The following POLD1 variants were observed in gnomAD, a reference collection of about 807,000 sequenced individuals.
The protein encoded by POLD1 is DNA polymerase delta catalytic subunit.
In POLD1, 79 loss-of-function variants were observed where a neutral mutation model predicts 129.7. The ratio of observed to expected loss-of-function variants is 0.61; its 90% CI spans 0.51 to 0.73. The LOEUF (loss-of-function observed/expected upper bound fraction) is 0.73. Among genes scored for constraint, POLD1 ranks in the 30% least tolerant of loss-of-function variants. The pLI is 0.00. For synonymous variants in POLD1, 714 were observed against 683.3 expected (o/e 1.04, Z -0.70); for missense variants, 1,338 against 1,595.8 (o/e 0.84, Z 2.75).
At position 50,416,273 on chromosome 19, in the gene POLD1, G is replaced by GC. The variant is rs924178837; in HGVS notation, c.2821-115dup. 6.6e-4 allele frequency: 659 copies of GC among 1,003,078 alleles called. 1 individual carries two copies. The highest frequency in any genetic ancestry group is 2.3e-3 in the South Asian group (146 of 63,544). 62.1% of individuals were successfully genotyped at this position (1,003,078 alleles called of 1,614,324 possible). On this transcript the variant is annotated intron_variant, in intron 22 of 26. Coordinates refer to ENST00000440232, the MANE Select transcript of POLD1 (RefSeq NM_002691.4). ...ACCTCCGACCCCATCCCAGACCCAG[G>GC]CCCCCCCCATGTCACAGCCCGCAGG...
In POLD1 at chr19:50,416,705, A is replaced by C. The variant is rs2122498157; in HGVS notation, c.3049A>C (p.Thr1017Pro). The change falls in exon 24 of 27, where the codon ACA becomes CCA. Residue 1017 changes from threonine to proline, a missense_variant. Thr to Pro is a conservative substitution (Grantham distance 38, BLOSUM62 -1). This residue lies in a region of POLD1 where 286 missense variants were observed against 277.5 expected (regional missense o/e 1.03). Transcript: ENST00000440232. ...CCGCAACTGCTGCATTGGCTGCCGC[A>C]CAGTGCTCAGCCACCAGGGTGAGCG... ...KRRNCCIGCRTVLSHQGAVCE... is the reference protein window; with the variant it reads ...KRRNCCIGCRPVLSHQGAVCE... 6.5e-7 allele frequency: 1 copy of C among 1,540,824 alleles called. No individual in the cohort carries two copies. Among genetic ancestry groups the C allele is most frequent in the South Asian group, 1.2e-5 (1 of 84,118 alleles).
At position 50,402,473 on chromosome 19, in the gene POLD1, A is replaced by G. The variant is rs8105725; in HGVS notation, c.778A>G (p.Ile260Val). The G allele has an allele frequency of 5.0e-4, 799 of 1,612,604 alleles. 2 individuals carry two copies. The African/African-American group carries it at 9.5e-3, about 19-fold the overall frequency. Residue 260 changes from isoleucine (I) to valine (V), a missense_variant, in exon 7 of 27, where the codon ATC becomes GTC. This residue lies in a region of POLD1 where 720 missense variants were observed against 1,002.6 expected (regional missense o/e 0.72). Coordinates refer to ENST00000440232, the MANE Select transcript of POLD1 (RefSeq NM_002691.4). ...CTCCAGGTTCATGGTGGACACGGAC[A>G]TCGTCGGCTGCAACTGGCTGGAGCT... The part of the protein sequence containing the change: ...FEIRFMVDTD[I>V]VGCNWLELPA...
intron 14 of POLD1, 174 bp from the exon 15 acceptor site, chr19:50,408,611 G>C (rs183536093): frequency 1.0e-6 from 1 of 975,194 alleles, no homozygotes; most frequent in East Asian, 2.5e-5. Context: ...TGAAACTCCT[G>C]AGTTCAAGCG....
intron 1 of POLD1, among the ~76,000 whole-genome samples, chr19:50,395,876 C>CTTTTTTTTTTTTTTT (rs774272686): frequency 1.4e-5 from 1 of 73,658 alleles, no homozygotes; most frequent in African/African-American, 5.6e-5. Flanking sequence ...AGGATATATA[C>CTTTTTTTTTTTTTTT]TTTTTTTTTT....
At position 50,407,331 on chromosome 19, in the gene POLD1, T is replaced by G. The variant is rs748444470; in HGVS notation, c.1691T>G (p.Met564Arg). The G allele has an allele frequency of 5.0e-6, 8 of 1,612,048 alleles. No individual in the cohort carries two copies. The highest frequency in any genetic ancestry group is 5.9e-6 in the Non-Finnish European group (7 of 1,178,868). The change falls in exon 14 of 27, where the codon ATG (methionine) becomes AGG (arginine). Residue 564 changes from methionine to arginine, a missense_variant. Met to Arg is a moderately conservative substitution (Grantham distance 91). Transcript: ENST00000440232. ...TCCCACCTTCTCCCCTCCCAGGCCA[T>G]GCACGAGGGGCTGCTGATGCCCGTG... is the stretch of plus-strand genomic sequence containing the variant. ...KVVSQLLRQA[M>R]HEGLLMPVVK...
Position 50,406,286 on chromosome 19 carries a change from C to T in POLD1, c.1347C>T (p.Val449=), listed in dbSNP as rs2122320508. Residue 449 remains valine, a synonymous_variant, in exon 11 of 27, where the codon GTC becomes GTT. Coordinates refer to ENST00000440232, the MANE Select transcript of POLD1 (RefSeq NM_002691.4). The surrounding 1 kb of genome is among the most constrained non-coding windows in gnomAD (Gnocchi z 5.5). ...KQTGRRDTKV[V]SMVGRVQMDM... is the part of the protein sequence containing the mutation. Reference sequence around the variant, plus strand: ...CGGGCCGGCGGGACACCAAGGTTGTCAGCATGGTGGGCCGCGTGCAGATGG... The same window carrying T: ...CGGGCCGGCGGGACACCAAGGTTGTTAGCATGGTGGGCCGCGTGCAGATGG... 1 of 1,614,036 alleles carries T rather than the reference C, an allele frequency of 6.2e-7. No homozygotes were observed. Among genetic ancestry groups the T allele is most frequent in the Non-Finnish European group, 8.5e-7 (1 of 1,179,992 alleles).
At position 50,416,603 on chromosome 19, in the gene POLD1, C is replaced by T. The variant is rs777804458; in HGVS notation, c.2954-7C>T. The T allele has an allele frequency of 1.3e-6, 2 of 1,556,342 alleles. No homozygotes were observed. The highest frequency in any genetic ancestry group is 1.2e-5 in the South Asian group (1 of 84,926). ...CACCGGCCCACCACCTGCCTCCTCTCCTGCAGGGGGGGACCACACGCGCTG... is the reference window on the plus strand; with the variant it reads ...CACCGGCCCACCACCTGCCTCCTCTTCTGCAGGGGGGGACCACACGCGCTG... On this transcript the variant is annotated splice_polypyrimidine_tract_variant and splice_region_variant and intron_variant, in intron 23 of 26. Transcript: ENST00000440232.
chr19:50,413,491 A>G lies in POLD1; in HGVS notation c.2220A>G (p.Thr740=), dbSNP rs371851818. The part of the protein sequence containing the change: ...KTKQLVESKY[T]VENGYSTSAK... ...AGCAGCTGGTGGAGTCTAAGTACAC[A>G]GTGGAGAATGGCTACAGCACCAGTG... Residue 740 remains threonine, a synonymous_variant, in exon 18 of 27, where the codon ACA becomes ACG. Coordinates refer to ENST00000440232, the MANE Select transcript of POLD1 (RefSeq NM_002691.4). 3.7e-6 allele frequency: 6 copies of G among 1,612,246 alleles called. No homozygotes were observed. The highest frequency in any genetic ancestry group is 1.3e-5 in the African/African-American group (1 of 74,890).
At position 50,409,716 on chromosome 19, in the gene POLD1, T is replaced by C. The variant is rs774710390; in HGVS notation, c.2154+50T>C. On this transcript the variant is annotated intron_variant, in intron 17 of 26. Transcript: ENST00000440232. This position sits in a 1 kb window ranked among gnomAD's most constrained non-coding sequence, Gnocchi z 5.8. ...CAACTGGGGGCAGGTGGGCCCCCTG[T>C]GTAGGAGACCAGGGCTCCATGTGGG... 7.8e-6 allele frequency: 12 copies of C among 1,544,832 alleles called. No individual in the cohort carries two copies. The highest frequency in any genetic ancestry group is 1.0e-5 in the Non-Finnish European group (12 of 1,143,034).
chr19:50,413,591 C>A, intron 18 of POLD1, 70 bp downstream of exon 18: 1 of 1,532,952 alleles, frequency 6.5e-7, no homozygotes, highest in Non-Finnish European at 9.0e-7. Context: ...CGGGCCGGAC[C>A]CCCATGTCCC....
rs144808905 is a variant in POLD1, at chr19:50,414,632, G to A, written c.2389-183G>A. ...CTGGTGTGGGGGCTCTGGCATTGCC[G>A]AGGGGCCTCAGGAGCCACTTCCAGC... On this transcript the variant is annotated intron_variant, in intron 19 of 26. Transcript: ENST00000440232. Among the ~76,000 whole-genome samples, 640 of 152,304 alleles carry A rather than the reference G, an allele frequency of 4.2e-3. 8 individuals are homozygous for A. Among genetic ancestry groups the A allele is most frequent in the Middle Eastern group, 6.8e-3 (2 of 294 alleles).
At chr19:50,414,428 C>T (rs926218077) in intron 19 of POLD1, among the ~76,000 whole-genome samples, 4 of 152,260 alleles carry the variant, frequency 2.6e-5, no homozygotes, top group African/African-American at 9.6e-5. Flanking sequence ...TGGCTTAACG[C>T]TCTCTCGTGC....
chr19:50,399,858 A>G (rs2038518193), intron 3 of POLD1, among the ~76,000 whole-genome samples: 1 of 152,186 alleles, frequency 6.6e-6, no homozygotes, highest in Non-Finnish European at 1.5e-5. Flanking sequence ...CCTGTTGCCC[A>G]GGCTGGAGTG....
intron 4 of POLD1, 31 bp from the exon 5 acceptor site, chr19:50,401,968 C>T (rs778567898): frequency 5.0e-6 from 8 of 1,614,152 alleles, no homozygotes; most frequent in Non-Finnish European, 6.8e-6. Flanking sequence ...ACTGGAGCCC[C>T]CTGCACCTCT....
At position 50,408,818 on chromosome 19, in the gene POLD1, C is replaced by T. The variant is rs759240411; in HGVS notation, c.1809C>T (p.Phe603=). 6.2e-7 allele frequency: 1 copy of T among 1,614,060 alleles called. No homozygotes were observed. Among genetic ancestry groups the T allele is most frequent in the Non-Finnish European group, 8.5e-7 (1 of 1,180,002 alleles). Reference sequence around the variant, plus strand: ...ACGTCCCCATCGCCACCCTGGACTTCTCCTCGCTGTACCCGTCCATCATGA... The same window carrying T: ...ACGTCCCCATCGCCACCCTGGACTTTTCCTCGCTGTACCCGTCCATCATGA... The part of the protein sequence containing the change: ...YYDVPIATLD[F]SSLYPSIMMA... Residue 603 remains phenylalanine, a synonymous_variant, in exon 15 of 27, where the codon TTC becomes TTT. Transcript: ENST00000440232.
At position 50,402,141 on chromosome 19, in the gene POLD1, G is replaced by C. The variant is rs2122241307; in HGVS notation, c.589+17G>C. The C allele has an allele frequency of 6.2e-7, 1 of 1,603,560 alleles. No individual in the cohort carries two copies. Among genetic ancestry groups the C allele is most frequent in the Non-Finnish European group, 8.5e-7 (1 of 1,174,116 alleles). On this transcript the variant is annotated intron_variant, in intron 5 of 26. Coordinates refer to ENST00000440232, the MANE Select transcript of POLD1 (RefSeq NM_002691.4). Reference sequence around the variant, plus strand: ...CCCGAGAGAGTGAGTGCTCCCCCAGGATCAGCGGGTTGGAGGGTCCCCTCG... The same window carrying C: ...CCCGAGAGAGTGAGTGCTCCCCCAGCATCAGCGGGTTGGAGGGTCCCCTCG...
In POLD1 at chr19:50,415,403, C is replaced by T. The variant is rs764046121; in HGVS notation, c.2565-35C>T. The T allele has an allele frequency of 3.1e-6, 5 of 1,594,652 alleles. No individual in the cohort carries two copies. The South Asian group carries it at 5.6e-5, about 18-fold the overall frequency. On this transcript the variant is annotated intron_variant, in intron 20 of 26. Coordinates refer to ENST00000440232, the MANE Select transcript of POLD1 (RefSeq NM_002691.4). Reference sequence around the variant, plus strand: ...GAGGCACCAGCCTGGCCCTCAGTGCCTTTTGGTGACGCTGTGCGGCCCGCT... The same window carrying T: ...GAGGCACCAGCCTGGCCCTCAGTGCTTTTTGGTGACGCTGTGCGGCCCGCT...
intron 1 of POLD1, among the ~76,000 whole-genome samples, chr19:50,391,457 A>G (rs1237550643): frequency 6.6e-6 from 1 of 152,182 alleles, no homozygotes; most frequent in African/African-American, 2.4e-5. Context: ...GCACCTCGGG[A>G]GGCCCAGGCG....
chr19:50,416,647 CA>C lies in POLD1; in HGVS notation c.2993del (p.Lys998ArgfsTer47). On this transcript the variant is annotated frameshift_variant, in exon 24 of 27. Transcript: ENST00000440232. LOFTEE classifies it high-confidence loss of function. ...HTRCKTVLTG[K>X]VGGLLAFAKR... ...CGCGCTGCAAGACGGTGCTCACGGG[CA>C]AGGTGGGCGGCCTCCTGGCCTTCGC... The C allele has an allele frequency of 6.4e-7, 1 of 1,565,526 alleles. No homozygotes were observed. The highest frequency in any genetic ancestry group is 8.6e-7 in the Non-Finnish European group (1 of 1,159,834).
Sources: allele counts gnomAD v4.1 joint callset (sites outside exome capture counted in the v4.1 genomes callset), GRCh38; gene constraint gnomAD v4.1.1; regional missense constraint gnomAD v4.1.1; non-coding constraint Gnocchi (gnomAD v3.1); transcripts MANE v1.5; gene names NCBI Gene and HGNC (gene_info 2026-07-23, HGNC 2026-07-21).